The following CHST8 variants were observed in gnomAD, a reference collection of about 807,000 sequenced individuals.
CHST8 encodes the protein carbohydrate sulfotransferase 8, also known as GALNAC-4-ST1.
CHST8 carries 10 observed loss-of-function variants against 15.0 expected under a neutral mutation model. The ratio of observed to expected loss-of-function variants is 0.67; its 90% confidence interval spans 0.41 to 1.13. The LOEUF (loss-of-function observed/expected upper bound fraction) is 1.13. Among genes scored for constraint, CHST8 ranks in the 50% most tolerant of loss-of-function variants. The pLI, the probability that CHST8 is intolerant of heterozygous loss-of-function variation, is 0.00. For missense variants in CHST8, 634 were observed against 608.2 expected (o/e 1.04, Z -0.45); for synonymous variants, 259 against 256.6 (o/e 1.01, Z -0.09).
rs577356746 is a variant in CHST8 at position 33,625,377 on chromosome 19, C to T, written c.-164+3081C>T. Among the ~76,000 whole-genome samples, 88 of 151,870 alleles carry T rather than the reference C, an allele frequency of 5.8e-4. 1 individual carries two copies. The highest frequency in any genetic ancestry group is 1.1e-3 in the Non-Finnish European group (72 of 67,958). ...ATTACAGGCGTGAGCTACCGCGCCC[C>T]GCATGGCTGCTCTTTAGTGAGCAAC... On this transcript the variant is annotated intron_variant, in intron 1 of 4. Coordinates refer to ENST00000650847, the MANE Select transcript of CHST8 (RefSeq NM_001127895.2).
intron 3 of CHST8, among the ~76,000 whole-genome samples, chr19:33,743,537 G>A (rs949284468): frequency 7.2e-5 from 11 of 151,864 alleles, no homozygotes; most frequent in African/African-American, 2.4e-4. Context: ...TCCTGACCTC[G>A]TGATCTGCCC....
At chr19:33,747,527 G>C (rs1180176411) in intron 3 of CHST8, among the ~76,000 whole-genome samples, 1 of 152,042 alleles carries the variant, frequency 6.6e-6, no homozygotes, top group Admixed American at 6.6e-5. Context: ...ACAATACGTT[G>C]CTTAGGGGAT....
chr19:33,689,415 C>T, intron 3 of CHST8, 24 bp downstream of exon 3: 1 of 1,542,020 alleles, frequency 6.5e-7, no homozygotes, highest in Non-Finnish European at 8.7e-7. Flanking sequence ...CTGAGTCCTG[C>T]CATCACTGCC....
chr19:33,637,405 T>C (rs1362276525), intron 1 of CHST8, among the ~76,000 whole-genome samples: 3 of 13,320 alleles, frequency 2.3e-4, no homozygotes, highest in South Asian at 3.5e-3. Flanking sequence ...GTTCGCTTTC[T>C]TTTTTTTTTT....
chr19:33,740,276 G>T (rs187614371), intron 3 of CHST8, among the ~76,000 whole-genome samples: 2 of 152,294 alleles, frequency 1.3e-5, no homozygotes, highest in Admixed American at 1.3e-4. Flanking sequence ...GGGTGAGAGG[G>T]CTCTTCAGTG....
chr19:33,638,481 A>T (rs1972236208), intron 1 of CHST8, among the ~76,000 whole-genome samples: 1 of 152,098 alleles, frequency 6.6e-6, no homozygotes, highest in South Asian at 2.1e-4. Flanking sequence ...ACTTCATCTG[A>T]ATTTCATAAA....
At chr19:33,762,621 G>A (rs1335606734) in intron 3 of CHST8, among the ~76,000 whole-genome samples, 1 of 152,248 alleles carries the variant, frequency 6.6e-6, no homozygotes, top group Non-Finnish European at 1.5e-5. Flanking sequence ...GGGAGATTCA[G>A]CCCCTGCAAA....
intron 1 of CHST8, among the ~76,000 whole-genome samples, chr19:33,658,033 AAAG>A (rs773331151): frequency 1.3e-4 from 20 of 152,216 alleles, no homozygotes; most frequent in Non-Finnish European, 2.6e-4. Flanking sequence ...TTAATACAAA[AAAG>A]TATCATTAAT....
At chr19:33,659,726 C>T (rs1972561528) in intron 1 of CHST8, among the ~76,000 whole-genome samples, 1 of 152,064 alleles carries the variant, frequency 6.6e-6, no homozygotes, top group African/African-American at 2.4e-5. Context: ...GGGAGGATCA[C>T]CTGAGCCCAG....
At chr19:33,646,847 G>A (rs185148032) in intron 1 of CHST8, among the ~76,000 whole-genome samples, 8 of 152,258 alleles carry the variant, frequency 5.3e-5, no homozygotes, top group African/African-American at 1.4e-4. Flanking sequence ...CCTGGGAGGC[G>A]GGGGTTGCAT....
chr19:33,690,883 A>C (rs1973088945), intron 3 of CHST8, among the ~76,000 whole-genome samples: 1 of 152,234 alleles, frequency 6.6e-6, no homozygotes, highest in Non-Finnish European at 1.5e-5. Flanking sequence ...AAGCACAGTC[A>C]GGAAGAAGGG....
chr19:33,643,512 T>C (rs1237799052), intron 1 of CHST8, among the ~76,000 whole-genome samples: 4 of 152,238 alleles, frequency 2.6e-5, no homozygotes, highest in Admixed American at 6.5e-5. Context: ...TATTTCTAAA[T>C]AACACACATA....
chr19:33,676,636 G>C (rs1368667539), intron 2 of CHST8, among the ~76,000 whole-genome samples: 2 of 152,114 alleles, frequency 1.3e-5, no homozygotes, highest in Non-Finnish European at 2.9e-5. Flanking sequence ...AGCACTTTAG[G>C]AGGCTGAGGC....
At chr19:33,669,374 A>C (rs894645739) in intron 2 of CHST8, among the ~76,000 whole-genome samples, 1 of 152,210 alleles carries the variant, frequency 6.6e-6, no homozygotes, top group Non-Finnish European at 1.5e-5. Context: ...ATTTATGTCT[A>C]TTGCAAAGAT....
intron 1 of CHST8, among the ~76,000 whole-genome samples, chr19:33,651,784 A>T (rs930311417): frequency 2.0e-5 from 3 of 152,120 alleles, no homozygotes; most frequent in Non-Finnish European, 4.4e-5. Context: ...TGATTATTTA[A>T]TTTTAGTGGA....
chr19:33,752,538 G>GGCAGA (rs1433108871), intron 3 of CHST8, among the ~76,000 whole-genome samples: 1 of 152,176 alleles, frequency 6.6e-6, no homozygotes, highest in Non-Finnish European at 1.5e-5. Context: ...TGAGGAGCAT[G>GGCAGA]GCAGAGCCCA....
At chr19:33,640,251 CA>C (rs147950263) in intron 1 of CHST8, among the ~76,000 whole-genome samples, 6,851 of 152,318 alleles carry the variant, frequency 0.045, 183 homozygotes, top group African/African-American at 0.064. Flanking sequence ...CTCCTTGCCA[CA>C]AGGAACTGGG....
intron 3 of CHST8, among the ~76,000 whole-genome samples, chr19:33,708,324 G>T (rs998036735): frequency 6.6e-6 from 1 of 152,162 alleles, no homozygotes; most frequent in Non-Finnish European, 1.5e-5. Flanking sequence ...TAGCCATAAA[G>T]ATTTTCTCTT....
At chr19:33,733,611 G>A (rs184832726) in intron 3 of CHST8, among the ~76,000 whole-genome samples, 2 of 152,204 alleles carry the variant, frequency 1.3e-5, no homozygotes, top group African/African-American at 4.8e-5. Flanking sequence ...ACTTACTTTG[G>A]GATCCATTTT....
Sources: gnomAD v4.1 joint callset for allele counts (sites outside exome capture counted in the v4.1 genomes callset) on GRCh38, gnomAD v4.1.1 for gene constraint, MANE v1.5 for transcripts, NCBI Gene and HGNC (gene_info 2026-07-23, HGNC 2026-07-21) for gene names.